Variants in ITPR1 observed in about 807,000 individuals in gnomAD.
ITPR1 encodes inositol 1,4,5-trisphosphate receptor type 1.
A neutral mutation model predicts 318.4 loss-of-function variants in ITPR1; 96 were observed. The ratio of observed to expected loss-of-function variants is 0.30; its 90% CI spans 0.26 to 0.36. The LOEUF is 0.36. Among genes scored for constraint, ITPR1 ranks in the 10% least tolerant of loss-of-function variants. The probability of loss-of-function intolerance (pLI) is 1.00; values close to 1 mark genes in which losing one functional copy is unlikely to be tolerated. For synonymous variants in ITPR1, 1,312 were observed against 1,289.9 expected, an observed-to-expected ratio of 1.02 and a Z score of -0.37; for missense variants, 2,440 against 3,460.2, an observed-to-expected ratio of 0.71 and a Z score of 7.40.
rs1168913216 is a variant in ITPR1 at position 4,613,679 on chromosome 3, A to G, written c.164-14084A>G. On this transcript the variant is annotated intron_variant, in intron 4 of 61. Coordinates refer to ENST00000649015, the MANE Select transcript of ITPR1 (RefSeq NM_001378452.1). ...CAAAGCATGTTTTTCCAGCAGTGCA[A>G]ATTGGACATTGTTATCTTTTTACAT... Among the ~76,000 whole-genome samples, 3 of 152,136 alleles carry G rather than the reference A, an allele frequency of 2.0e-5. No homozygotes were observed. In the East Asian group the frequency reaches 5.8e-4, roughly 29 times the overall value.
At chr3:4,829,318 C>T (rs759668998) in intron 60 of ITPR1, among the ~76,000 whole-genome samples, 2 of 152,132 alleles carry the variant, frequency 1.3e-5, no homozygotes, top group South Asian at 2.1e-4. Flanking sequence ...ATGTACAGAA[C>T]CTGTGAAATA....
intron 4 of ITPR1, among the ~76,000 whole-genome samples, chr3:4,546,243 GAA>G (rs1161094248): frequency 6.6e-6 from 1 of 152,164 alleles, no homozygotes; most frequent in East Asian, 1.9e-4. Flanking sequence ...TTGGGGAGCA[GAA>G]AGTGTCTTCT....
chr3:4,796,337 C>T (rs1035367291), intron 53 of ITPR1, among the ~76,000 whole-genome samples: 15 of 151,860 alleles, frequency 9.9e-5, no homozygotes, highest in African/African-American at 3.4e-4. Context: ...CATGAATGCC[C>T]GTGTCTATGT....
chr3:4,841,131 G>A (rs1052272829), intron 61 of ITPR1, among the ~76,000 whole-genome samples: 1 of 152,088 alleles, frequency 6.6e-6, no homozygotes, highest in Non-Finnish European at 1.5e-5. Context: ...TACTGTGCTG[G>A]GACCACAAAA....
At chr3:4,727,273 A>G in intron 42 of ITPR1, 100 bp downstream of exon 42, 1 of 830,974 alleles carries the variant, frequency 1.2e-6, no homozygotes, top group Non-Finnish European at 1.9e-6. Flanking sequence ...TTTGTTGTTG[A>G]TATTGTTAAA....
chr3:4,822,809 G>A (rs987132665), intron 60 of ITPR1, among the ~76,000 whole-genome samples: 4 of 152,130 alleles, frequency 2.6e-5, no homozygotes, highest in African/African-American at 9.7e-5. Flanking sequence ...CATATTCACT[G>A]ACTTGGGCCC....
At chr3:4,666,107 A>G (rs1308853450) in intron 17 of ITPR1, among the ~76,000 whole-genome samples, 1 of 152,208 alleles carries the variant, frequency 6.6e-6, no homozygotes, top group African/African-American at 2.4e-5. Context: ...TTTGTGCCAC[A>G]TGGAGTACCG....
At chr3:4,668,375 C>G (rs2093996629) in intron 18 of ITPR1, among the ~76,000 whole-genome samples, 1 of 151,986 alleles carries the variant, frequency 6.6e-6, no homozygotes, top group South Asian at 2.1e-4. Context: ...CGATGTTTGT[C>G]TTTCTGTGCT....
intron 5 of ITPR1, 35 bp downstream of exon 5, chr3:4,627,913 AGTGAGTG>A: frequency 7.7e-7 from 1 of 1,304,602 alleles, no homozygotes; most frequent in Non-Finnish European, 1.1e-6. Context: ...ATGGGGCAGT[AGTGAGTG>A]GCTGCCTTGG....
intron 51 of ITPR1, among the ~76,000 whole-genome samples, chr3:4,786,656 C>T (rs1336954036): frequency 6.6e-6 from 1 of 151,994 alleles, no homozygotes; most frequent in East Asian, 1.9e-4. Context: ...GACTATGACA[C>T]AATCAAGTGC....
intron 4 of ITPR1, among the ~76,000 whole-genome samples, chr3:4,538,457 AT>A (rs564335325): frequency 2.8e-4 from 42 of 152,324 alleles, no homozygotes; most frequent in African/African-American, 9.6e-4. Context: ...GGGAATGTAA[AT>A]TAGTTCAATC....
chr3:4,737,632 C>G (rs1276283356), intron 44 of ITPR1, among the ~76,000 whole-genome samples: 2 of 152,166 alleles, frequency 1.3e-5, no homozygotes. Flanking sequence ...TAACGGAGGA[C>G]TATACACCTG....
chr3:4,735,067 A>G, intron 43 of ITPR1, 97 bp from the exon 44 acceptor site: 1 of 879,148 alleles, frequency 1.1e-6, no homozygotes, highest in Non-Finnish European at 1.8e-6. Flanking sequence ...AACATGGGTA[A>G]AGCATTTAGT....
chr3:4,669,766 G>A lies in ITPR1; in HGVS notation c.1999G>A (p.Glu667Lys). 1 of 1,609,354 alleles carries A rather than the reference G, an allele frequency of 6.2e-7. No homozygotes were observed. The highest frequency in any genetic ancestry group is 8.5e-7 in the Non-Finnish European group (1 of 1,177,314). Reference protein sequence around the residue: ...LNPTNADILIETKLVLSRFEF... With the variant: ...LNPTNADILIKTKLVLSRFEF... ...CCCCACCAACGCTGACATCCTGATT[G>A]AGACCAAGTGAGTGGGGAGCCAGGG... Residue 667 changes from glutamate (E) to lysine (K), a missense_variant, in exon 19 of 62, where the codon GAG becomes AAG. Glu to Lys is a moderately conservative substitution (Grantham distance 56, BLOSUM62 1). This residue lies in a region of ITPR1 where 478 missense variants were observed against 696.3 expected (regional missense o/e 0.69). Transcript: ENST00000649015.
In ITPR1 at chr3:4,513,151, C is replaced by G. The variant is rs148857545; in HGVS notation, c.-16-3325C>G. Among the ~76,000 whole-genome samples, 693 of 152,308 alleles carry G rather than the reference C, an allele frequency of 4.5e-3. 7 individuals are homozygous for G. The highest frequency in any genetic ancestry group is 0.016 in the African/African-American group (646 of 41,560). On this transcript the variant is annotated intron_variant, in intron 2 of 61. Coordinates refer to ENST00000649015, the MANE Select transcript of ITPR1 (RefSeq NM_001378452.1). ...GGCTCTCCCACCCAGCTCTGAACAACAGGAAGTCTTCCAGAAGATTGCTCC... is the reference window on the plus strand; with the variant it reads ...GGCTCTCCCACCCAGCTCTGAACAAGAGGAAGTCTTCCAGAAGATTGCTCC...
intron 4 of ITPR1, among the ~76,000 whole-genome samples, chr3:4,538,803 A>C (rs1381545666): frequency 6.6e-6 from 1 of 152,186 alleles, no homozygotes; most frequent in East Asian, 1.9e-4. Context: ...GCATGTTCTC[A>C]CTTATAAGTG....
intron 4 of ITPR1, among the ~76,000 whole-genome samples, chr3:4,554,238 A>G (rs1484800053): frequency 6.6e-6 from 1 of 152,132 alleles, no homozygotes; most frequent in Non-Finnish European, 1.5e-5. Flanking sequence ...GTTCTCTTTG[A>G]TAGGAATAGA....
chr3:4,661,771 C>G (rs2093837861), intron 14 of ITPR1, among the ~76,000 whole-genome samples: 1 of 152,122 alleles, frequency 6.6e-6, no homozygotes, highest in Non-Finnish European at 1.5e-5. Flanking sequence ...TCCATATTTG[C>G]TTTTTCTCTG....
At chr3:4,685,810 C>G (rs1471704403) in intron 30 of ITPR1, among the ~76,000 whole-genome samples, 1 of 152,162 alleles carries the variant, frequency 6.6e-6, no homozygotes, top group Admixed American at 6.6e-5. Context: ...TGTAGGCTGA[C>G]AAGACACTTA....
Sources: allele counts gnomAD v4.1 joint callset (sites outside exome capture counted in the v4.1 genomes callset), GRCh38; gene constraint gnomAD v4.1.1; regional missense constraint gnomAD v4.1.1; transcripts MANE v1.5; gene names NCBI Gene and HGNC (gene_info 2026-07-23, HGNC 2026-07-21).